The following MROH2B variants were observed in gnomAD, a reference collection of about 807,000 sequenced individuals.
MROH2B encodes maestro heat like repeat family member 2B.
MROH2B carries 177 observed loss-of-function variants against 208.6 expected under a neutral mutation model. That is an observed-to-expected ratio of 0.85 (90% CI 0.75 to 0.96). MROH2B has a LOEUF of 0.96. Among genes scored for constraint, MROH2B ranks in the 40% least tolerant of loss-of-function variants. The pLI is 0.00. For synonymous variants in MROH2B, 728 were observed against 659.0 expected (o/e 1.10, Z -1.60); for missense variants, 2,002 against 1,878.7 (o/e 1.07, Z -1.21).
intron 37 of MROH2B, 84 bp downstream of exon 37, chr5:41,004,262 G>C: frequency 6.7e-7 from 1 of 1,482,784 alleles, no homozygotes; most frequent in Non-Finnish European, 9.1e-7. Flanking sequence ...GTGGGACACT[G>C]ACAATGTCTT....
chr5:41,020,744 G>A (rs1236434185), intron 24 of MROH2B, among the ~76,000 whole-genome samples: 2 of 152,120 alleles, frequency 1.3e-5, no homozygotes, highest in African/African-American at 2.4e-5. Flanking sequence ...TAAGTAAGAT[G>A]AGACATATTT....
At chr5:41,011,109 A>T (rs1442244130) in intron 30 of MROH2B, among the ~76,000 whole-genome samples, 1 of 152,156 alleles carries the variant, frequency 6.6e-6, no homozygotes, top group Non-Finnish European at 1.5e-5. Flanking sequence ...AGGAATTTGG[A>T]TGTTAATCTG....
intron 17 of MROH2B, 129 bp downstream of exon 17, chr5:41,047,592 A>G: frequency 1.2e-6 from 1 of 829,060 alleles, no homozygotes; most frequent in Middle Eastern, 2.5e-4. Context: ...CTAACATTCT[A>G]ATTCTTTTCC....
intron 21 of MROH2B, among the ~76,000 whole-genome samples, chr5:41,038,482 C>A (rs1742833166): frequency 6.6e-6 from 1 of 152,178 alleles, no homozygotes; most frequent in Non-Finnish European, 1.5e-5. Flanking sequence ...CATACCAGAT[C>A]CTACCTATCT....
rs116663871 is a variant in MROH2B, at chr5:41,021,420, T to C, written c.2442-2402A>G. On this transcript the variant is annotated intron_variant, in intron 24 of 41. Coordinates refer to ENST00000399564, the MANE Select transcript of MROH2B (RefSeq NM_173489.5). The stretch of plus-strand genomic sequence containing the variant: ...CCTATCAAAATACCAAGGGTGCTTT[T>C]TGTAGAAATAGAAAAATTCATCCTA... Among the ~76,000 whole-genome samples the C allele has an allele frequency of 4.9e-3, 744 of 152,294 alleles. 4 individuals carry two copies. Among genetic ancestry groups the C allele is most frequent in the African/African-American group, 0.015 (615 of 41,548 alleles).
intron 28 of MROH2B, 29 bp from the exon 29 acceptor site, chr5:41,015,507 A>C: frequency 1.9e-6 from 3 of 1,603,696 alleles, no homozygotes; most frequent in Non-Finnish European, 2.6e-6. Context: ...GAAATGTTTA[A>C]GTGTTCAAAG....
rs143399850 is a variant in MROH2B, at chr5:41,004,643, C to T, written c.4012-115G>A. Reference sequence around the variant, plus strand: ...TTGTCAGGGTCACATGTAGTTCAACCGAAGGACTACCACTTCAGCAATGTA... The same window carrying T: ...TTGTCAGGGTCACATGTAGTTCAACTGAAGGACTACCACTTCAGCAATGTA... On this transcript the variant is annotated intron_variant, in intron 36 of 41. Transcript: ENST00000399564. 2.0e-4 allele frequency: 302 copies of T among 1,509,688 alleles called. 1 individual carries two copies. The East Asian group carries it at 4.1e-3, about 20-fold the overall frequency. The allele number at this position is 1,509,688 out of a possible 1,614,324, so 93.5% of individuals were successfully genotyped here. A position where few individuals can be genotyped will look rare whatever the true frequency, so the allele number is the denominator to read the frequency against.
At chr5:41,058,658 G>T (rs9292801) in intron 6 of MROH2B, among the ~76,000 whole-genome samples, 44,426 of 151,726 alleles carry the variant, frequency 0.29, 6,646 homozygotes, top group South Asian at 0.39. Context: ...TTATTTTATT[G>T]TATTTTTTTG....
At chr5:41,021,154 T>C (rs1243707268) in intron 24 of MROH2B, among the ~76,000 whole-genome samples, 1 of 152,136 alleles carries the variant, frequency 6.6e-6, no homozygotes, top group Non-Finnish European at 1.5e-5. Context: ...AACTGATTTG[T>C]TAAGAAATGA....
At chr5:41,034,580 C>T (rs1482461948) in intron 21 of MROH2B, among the ~76,000 whole-genome samples, 1 of 152,088 alleles carries the variant, frequency 6.6e-6, no homozygotes, top group African/African-American at 2.4e-5. Flanking sequence ...TTCCAACTTT[C>T]ACAACTGACT....
At chr5:41,041,164 C>G (rs1301349975) in intron 19 of MROH2B, among the ~76,000 whole-genome samples, 1 of 152,116 alleles carries the variant, frequency 6.6e-6, no homozygotes, top group Non-Finnish European at 1.5e-5. Flanking sequence ...AAAGCAGTTT[C>G]AAAAGTTCAG....
chr5:41,051,184 G>A, intron 12 of MROH2B, 94 bp from the exon 13 acceptor site: 1 of 655,394 alleles, frequency 1.5e-6, no homozygotes, highest in Non-Finnish European at 2.3e-6. Flanking sequence ...CTGGAGTAGA[G>A]GATGTAGTCA....
intron 10 of MROH2B, 107 bp downstream of exon 10, chr5:41,055,635 T>G (rs1743423079): frequency 1.4e-6 from 1 of 715,950 alleles, no homozygotes; most frequent in African/African-American, 1.8e-5. Flanking sequence ...TTGCACGTGA[T>G]GTTATATAAG....
chr5:41,011,294 G>T (rs1001445445), intron 30 of MROH2B, among the ~76,000 whole-genome samples: 2 of 152,008 alleles, frequency 1.3e-5, no homozygotes, highest in African/African-American at 4.8e-5. Context: ...GTTATAAATA[G>T]CCCCCATTTA....
chr5:41,029,814 G>A (rs760881689), intron 24 of MROH2B, among the ~76,000 whole-genome samples: 61 of 152,156 alleles, frequency 4.0e-4, no homozygotes, highest in Non-Finnish European at 7.8e-4. Context: ...AAAAGAGGGA[G>A]TGAGAGTGAG....
intron 1 of MROH2B, among the ~76,000 whole-genome samples, chr5:41,070,425 T>G (rs1196226149): frequency 2.0e-5 from 3 of 152,182 alleles, no homozygotes; most frequent in Non-Finnish European, 4.4e-5. Flanking sequence ...GATGAAGATT[T>G]CTTATTAACC....
intron 24 of MROH2B, among the ~76,000 whole-genome samples, chr5:41,020,105 G>A (rs1007431477): frequency 2.0e-4 from 31 of 151,608 alleles, no homozygotes; most frequent in African/African-American, 5.3e-4. Context: ...TGGCTGATCT[G>A]GATTAAGATG....
intron 17 of MROH2B, among the ~76,000 whole-genome samples, chr5:41,046,654 A>G (rs965586481): frequency 6.6e-6 from 1 of 151,936 alleles, no homozygotes; most frequent in African/African-American, 2.4e-5. Flanking sequence ...ACAGTTTTGG[A>G]AAAAAAAGAC....
chr5:41,060,172 A>T, intron 6 of MROH2B, among the ~76,000 whole-genome samples: 1 of 152,190 alleles, frequency 6.6e-6, no homozygotes. Context: ...ATTCTTCAGC[A>T]TCTGACTCCT....
Sources: gnomAD v4.1 joint callset for allele counts (sites outside exome capture counted in the v4.1 genomes callset) on GRCh38, gnomAD v4.1.1 for gene constraint, MANE v1.5 for transcripts, NCBI Gene and HGNC (gene_info 2026-07-23, HGNC 2026-07-21) for gene names.